RGS12: variants seen among roughly 807,000 people sequenced by gnomAD.
The protein encoded by RGS12 is regulator of G protein signaling 12.
Under a neutral mutation model 120.1 loss-of-function variants are expected in RGS12, and 66 were observed. The ratio of observed to expected loss-of-function variants is 0.55; its 90% CI spans 0.45 to 0.67. RGS12 has a LOEUF of 0.67. Among genes scored for constraint, RGS12 ranks in the 30% least tolerant of loss-of-function variants. The probability of loss-of-function intolerance (pLI) is 0.00; values close to 1 mark genes in which losing one functional copy is unlikely to be tolerated. For missense variants in RGS12, 1,859 were observed against 1,957.7 expected (o/e 0.95, Z 0.95); for synonymous variants, 827 against 804.7 (o/e 1.03, Z -0.47).
At position 3,417,434 on chromosome 4, in the gene RGS12, G is replaced by A; in HGVS notation, c.2654G>A (p.Gly885Glu). Residue 885 changes from glycine (G) to glutamate (E), a missense_variant, in exon 9 of 18, where the codon GGG becomes GAG. By Grantham distance (98) the Gly-to-Glu change is moderately conservative. This residue lies in a region of RGS12 where 375 missense variants were observed against 475.0 expected (regional missense o/e 0.79). Coordinates refer to ENST00000336727, the MANE Select transcript of RGS12 (RefSeq NM_001394154.1). The stretch of plus-strand genomic sequence containing the variant: ...GGCCGATCCCTGAATGAAGAGCTGG[G>A]GGATGAGGACAGCGAGAAGAAGCGG... ...KSGRSLNEEL[G>E]DEDSEKKRKG... The A allele has an allele frequency of 2.5e-6, 4 of 1,603,682 alleles. No homozygotes were observed. The highest frequency in any genetic ancestry group is 3.4e-6 in the Non-Finnish European group (4 of 1,172,986).
intron 4 of RGS12, among the ~76,000 whole-genome samples, chr4:3,407,873 C>A (rs1406675): frequency 0.57 from 86,977 of 152,110 alleles, 25,634 homozygotes; most frequent in African/African-American, 0.73. Flanking sequence ...GTTTGACCCA[C>A]CAATATATAC....
In RGS12 at chr4:3,316,782, T is replaced by G. The variant is rs769562148; in HGVS notation, c.612T>G (p.His204Gln). 5.0e-6 allele frequency: 8 copies of G among 1,614,236 alleles called. No individual in the cohort carries two copies. Among genetic ancestry groups the G allele is most frequent in the Non-Finnish European group, 6.8e-6 (8 of 1,180,044 alleles). Residue 204 changes from histidine to glutamine, a missense_variant, in exon 2 of 18, where the codon CAT becomes CAG. By Grantham distance (24) the His-to-Gln change is conservative. Transcript: ENST00000336727. ...LSKEEISKVIHDDSVFSIGLE... is the reference protein window; with the variant it reads ...LSKEEISKVIQDDSVFSIGLE... The stretch of plus-strand genomic sequence containing the variant: ...AGGAGGAAATATCAAAAGTTATTCA[T>G]GATGATTCGGTTTTCAGCATTGGAC...
intron 3 of RGS12, among the ~76,000 whole-genome samples, chr4:3,375,947 G>A (rs3129331): frequency 0.24 from 35,889 of 152,182 alleles, 4,774 homozygotes; most frequent in South Asian, 0.35. Context: ...ACCTGTCTGC[G>A]TGCTGGAGGG....
the RGS12 span, among the ~76,000 whole-genome samples, chr4:3,287,461 A>C: frequency 6.6e-6 from 1 of 152,200 alleles, no homozygotes; most frequent in Non-Finnish European, 1.5e-5. Flanking sequence ...GACATTTCAA[A>C]GCCGGGTCCC....
At chr4:3,310,113 G>A (rs1461948044) in intron 1 of RGS12, among the ~76,000 whole-genome samples, 1 of 103,024 alleles carries the variant, frequency 9.7e-6, no homozygotes, top group African/African-American at 3.9e-5. Flanking sequence ...TCTGAGGAGA[G>A]CTGAGCAGGA....
Position 3,316,995 on chromosome 4 carries a change from G to A in RGS12, c.825G>A (p.Lys275=). ...EQKIHSLVTM[K]IMHDCVQLST... is the part of the protein sequence containing the mutation. ...AAATCCACTCGCTGGTGACCATGAA[G>A]ATCATGCACGACTGTGTGCAGCTGA... Residue 275 remains lysine, a synonymous_variant, in exon 2 of 18, where the codon AAG becomes AAA. Transcript: ENST00000336727. The A allele has an allele frequency of 6.2e-7, 1 of 1,613,788 alleles. No individual in the cohort carries two copies. The highest frequency in any genetic ancestry group is 8.5e-7 in the Non-Finnish European group (1 of 1,179,982).
chr4:3,431,980 T>C, intron 17 of RGS12: 1 of 985,444 alleles, frequency 1.0e-6, no homozygotes, highest in Non-Finnish European at 1.2e-6. Flanking sequence ...TGGGAGGGGC[T>C]ACCTGGTCCC....
rs528609026 is a variant in RGS12, at chr4:3,368,617, TG to T, written c.1999-17792del. Reference sequence around the variant, plus strand: ...CTGTGTGTGTGTGGGTACCTGTGTGTGGGGGGGTACATGTGTGTGTGTGGTA... The same window carrying T: ...CTGTGTGTGTGTGGGTACCTGTGTGTGGGGGGTACATGTGTGTGTGTGGTA... On this transcript the variant is annotated intron_variant, in intron 3 of 17. Coordinates refer to ENST00000336727, the MANE Select transcript of RGS12 (RefSeq NM_001394154.1). Among the ~76,000 whole-genome samples, 6 of 95,620 alleles carry T rather than the reference TG, an allele frequency of 6.3e-5. No individual in the cohort carries two copies. In the Admixed American group the frequency reaches 6.8e-4, roughly 11 times the overall value. The allele number at this position is 95,620 out of a possible 152,430, so 62.7% of individuals were successfully genotyped here.
upstream of RGS12, among the ~76,000 whole-genome samples, chr4:3,292,312 T>C (rs1008842221): frequency 6.6e-6 from 1 of 152,022 alleles, no homozygotes; most frequent in African/African-American, 2.4e-5. Flanking sequence ...CAGCGGTGCC[T>C]CCGGTCCCGC....
intron 17 of RGS12, chr4:3,431,903 C>CG: frequency 1.0e-6 from 1 of 985,478 alleles, no homozygotes; most frequent in South Asian, 4.7e-5. Flanking sequence ...TGGACCTCGC[C>CG]GGGGGACCAG....
intron 1 of RGS12, among the ~76,000 whole-genome samples, chr4:3,315,132 G>C (rs2110398701): frequency 6.6e-6 from 1 of 152,326 alleles, no homozygotes; most frequent in Non-Finnish European, 1.5e-5. Context: ...AGTGCGTCCT[G>C]CGTGACCCCG....
At chr4:3,315,129 C>G (rs961613116) in intron 1 of RGS12, among the ~76,000 whole-genome samples, 2 of 152,146 alleles carry the variant, frequency 1.3e-5, no homozygotes, top group Non-Finnish European at 2.9e-5. Flanking sequence ...TTAAGTGCGT[C>G]CTGCGTGACC....
intron 3 of RGS12, among the ~76,000 whole-genome samples, chr4:3,343,648 G>A (rs929843121): frequency 6.6e-6 from 1 of 151,864 alleles, no homozygotes; most frequent in South Asian, 2.1e-4. Flanking sequence ...GTTCCTGCCC[G>A]TGCTGTCCTC....
chr4:3,287,432 C>T, the RGS12 span, among the ~76,000 whole-genome samples: 1 of 152,158 alleles, frequency 6.6e-6, no homozygotes, highest in Non-Finnish European at 1.5e-5. Context: ...TGCCAAGCTT[C>T]GGTTCTTTGA....
intron 3 of RGS12, among the ~76,000 whole-genome samples, chr4:3,367,462 C>T (rs1015895061): frequency 2.0e-5 from 3 of 152,262 alleles, no homozygotes; most frequent in Non-Finnish European, 4.4e-5. Context: ...CTGGGCTTCC[C>T]GGGCCCGGGG....
At chr4:3,291,079 T>A (rs1001572450), upstream of RGS12, among the ~76,000 whole-genome samples, 3 of 152,134 alleles carry the variant, frequency 2.0e-5, no homozygotes, top group Non-Finnish European at 4.4e-5. Flanking sequence ...CTCGTCCTCT[T>A]CCCCTACCCC....
intron 3 of RGS12, among the ~76,000 whole-genome samples, chr4:3,361,658 C>A (rs921746629): frequency 6.6e-6 from 1 of 152,112 alleles, no homozygotes; most frequent in East Asian, 1.9e-4. Flanking sequence ...TGGAGGAGCT[C>A]CCGAGGCAAG....
rs890020583 is a variant in RGS12 at position 3,336,955 on chromosome 4, TA to T, written c.1882-5973del. 3.0e-4 allele frequency among the ~76,000 whole-genome samples: 41 copies of T among 135,340 alleles called. 1 individual carries two copies. In the South Asian group the frequency reaches 6.0e-3, roughly 20 times the overall value. 88.8% of individuals were successfully genotyped at this position (135,340 alleles called of 152,430 possible). A position where few individuals can be genotyped will look rare whatever the true frequency, so the allele number is the denominator to read the frequency against. On this transcript the variant is annotated intron_variant, in intron 2 of 17. Transcript: ENST00000336727. The stretch of plus-strand genomic sequence containing the variant: ...AAAAGAAAATAAAGAGAAATTAAAA[TA>T]AAAAAAAATGGGCAAAGATCCAGTG...
chr4:3,343,297 A>G, intron 3 of RGS12: 1 of 445,062 alleles, frequency 2.2e-6, no homozygotes, highest in South Asian at 2.9e-5. Context: ...ACTCCAGTGA[A>G]CACTTCTAGA....
Sources: allele counts gnomAD v4.1 joint callset (sites outside exome capture counted in the v4.1 genomes callset), GRCh38; gene constraint gnomAD v4.1.1; regional missense constraint gnomAD v4.1.1; transcripts MANE v1.5; gene names NCBI Gene and HGNC (gene_info 2026-07-23, HGNC 2026-07-21).